The following SNX29 variants were observed in gnomAD, a reference collection of about 807,000 sequenced individuals.
SNX29 encodes the protein sorting nexin-29.
A neutral mutation model predicts 102.1 loss-of-function variants in SNX29; 78 were observed. The observed-to-expected ratio is 0.76, with a 90% CI of 0.64 to 0.92. SNX29 has a LOEUF of 0.92. Among genes scored for constraint, SNX29 ranks in the 40% least tolerant of loss-of-function variants. The pLI, the probability that SNX29 is intolerant of heterozygous loss-of-function variation, is 0.00. For missense variants in SNX29, 1,280 were observed against 1,061.7 expected (o/e 1.21, Z -2.86); for synonymous variants, 580 against 414.5 (o/e 1.40, Z -4.85).
At chr16:12,505,333 G>A (rs1448145581) in intron 19 of SNX29, among the ~76,000 whole-genome samples, 3 of 152,072 alleles carry the variant, frequency 2.0e-5, no homozygotes, top group Admixed American at 6.5e-5. Context: ...AAAGGTGCTA[G>A]CATATTCGGT....
At chr16:12,353,062 G>A (rs2151299704) in intron 15 of SNX29, among the ~76,000 whole-genome samples, 1 of 152,240 alleles carries the variant, frequency 6.6e-6, no homozygotes, top group African/African-American at 2.4e-5. Flanking sequence ...GTTAACTCTT[G>A]GAGGGGTGGG....
At chr16:12,357,532 G>T (rs1597057570) in intron 16 of SNX29, among the ~76,000 whole-genome samples, 2 of 151,988 alleles carry the variant, frequency 1.3e-5, no homozygotes, top group African/African-American at 4.8e-5. Context: ...TAAAAATTAG[G>T]GTAAAATATA....
chr16:12,330,334 G>A (rs2081257865), intron 15 of SNX29, among the ~76,000 whole-genome samples: 1 of 152,120 alleles, frequency 6.6e-6, no homozygotes, highest in African/African-American at 2.4e-5. Flanking sequence ...AAGCATGGTG[G>A]CGGACGCCTC....
intron 15 of SNX29, among the ~76,000 whole-genome samples, chr16:12,318,959 A>G (rs576617353): frequency 6.6e-6 from 1 of 152,176 alleles, no homozygotes; most frequent in East Asian, 1.9e-4. Flanking sequence ...GATTACCCTT[A>G]TCTTGTCTCC....
chr16:12,070,794 A>G (rs991921084), intron 10 of SNX29, among the ~76,000 whole-genome samples: 56 of 152,180 alleles, frequency 3.7e-4, no homozygotes, highest in African/African-American at 1.3e-3. Context: ...AGTCCCACCA[A>G]CAGTGTAAAA....
At chr16:12,395,348 C>A (rs2083681699) in intron 16 of SNX29, among the ~76,000 whole-genome samples, 1 of 152,172 alleles carries the variant, frequency 6.6e-6, no homozygotes, top group African/African-American at 2.4e-5. Flanking sequence ...CCCAGGAAAT[C>A]CTGAGTCAGA....
chr16:12,103,967 T>C (rs550969485), intron 11 of SNX29, among the ~76,000 whole-genome samples: 1 of 152,232 alleles, frequency 6.6e-6, no homozygotes, highest in Non-Finnish European at 1.5e-5. Flanking sequence ...GATTAGAACC[T>C]TTCTAGAATT....
intron 20 of SNX29, among the ~76,000 whole-genome samples, chr16:12,542,805 T>G (rs16959865): frequency 0.047 from 7,167 of 151,648 alleles, 295 homozygotes; most frequent in East Asian, 0.18. Context: ...AGCAAGTAAG[T>G]GAAGTTAAAG....
chr16:12,518,735 C>G (rs550841232), intron 19 of SNX29, among the ~76,000 whole-genome samples: 29 of 152,312 alleles, frequency 1.9e-4, no homozygotes, highest in South Asian at 1.9e-3. Context: ...GCCTGGTGGG[C>G]CATGTCAGCT....
chr16:12,301,145 A>G lies in SNX29; in HGVS notation c.1782+23109A>G, dbSNP rs80165014. 5.6e-3 allele frequency among the ~76,000 whole-genome samples: 850 copies of G among 152,278 alleles called. 7 individuals carry two copies. Among genetic ancestry groups the G allele is most frequent in the African/African-American group, 0.02 (816 of 41,552 alleles). On this transcript the variant is annotated intron_variant, in intron 15 of 20. Coordinates refer to ENST00000566228, the MANE Select transcript of SNX29 (RefSeq NM_032167.5). ...CTCACTGTCTACATCTAGTCACTCA[A>G]TGAGTTACAGTCCCTTCTAAAATAT...
chr16:12,230,505 A>G (rs1014915593), intron 14 of SNX29, among the ~76,000 whole-genome samples: 1 of 152,326 alleles, frequency 6.6e-6, no homozygotes, highest in East Asian at 1.9e-4. Context: ...CCATTCTGCA[A>G]ATGAGTTCAT....
At position 12,569,005 on chromosome 16, in the gene SNX29, G is replaced by A. The variant is rs1193171986; in HGVS notation, c.*376G>A. On this transcript the variant is annotated 3_prime_UTR_variant, in exon 21 of 21. Coordinates refer to ENST00000566228, the MANE Select transcript of SNX29 (RefSeq NM_032167.5). ...GCAAAGGTGATCCCCTATATAGGAAGGTTCATGCAGAGCCAGCCTCTCCAC... is the reference window on the plus strand; with the variant it reads ...GCAAAGGTGATCCCCTATATAGGAAAGTTCATGCAGAGCCAGCCTCTCCAC... The A allele has an allele frequency of 3.7e-6, 1 of 271,852 alleles. No individual in the cohort carries two copies. Among genetic ancestry groups the A allele is most frequent in the South Asian group, 1.1e-4 (1 of 8,986 alleles). 16.8% of individuals were successfully genotyped at this position (271,852 alleles called of 1,614,324 possible). A position where few individuals can be genotyped will look rare whatever the true frequency, so the allele number is the denominator to read the frequency against.
intron 15 of SNX29, among the ~76,000 whole-genome samples, chr16:12,311,611 G>C (rs1183199028): frequency 6.6e-6 from 1 of 152,252 alleles, no homozygotes; most frequent in Non-Finnish European, 1.5e-5. Flanking sequence ...CCTTCCTTGA[G>C]ATGGCGTGGC....
At position 12,471,547 on chromosome 16, in the gene SNX29, C is replaced by T. The variant is rs758814440; in HGVS notation, c.2038-6172C>T. On this transcript the variant is annotated intron_variant, in intron 18 of 20. Coordinates refer to ENST00000566228, the MANE Select transcript of SNX29 (RefSeq NM_032167.5). ...TGTCTGGGCTCCCTCCCGATGCTGA[C>T]GTATGACGATGTGTCAGGTCCACGT... 3.0e-4 allele frequency among the ~76,000 whole-genome samples: 46 copies of T among 152,288 alleles called. 2 individuals are homozygous for T. The highest frequency in any genetic ancestry group is 1.2e-3 in the Admixed American group (18 of 15,294).
In SNX29 at chr16:12,096,516, G is replaced by A. The variant is rs555409282; in HGVS notation, c.1402+17601G>A. Among the ~76,000 whole-genome samples, 16 of 152,342 alleles carry A rather than the reference G, an allele frequency of 1.1e-4. No individual in the cohort carries two copies. The highest frequency in any genetic ancestry group is 3.6e-4 in the African/African-American group (15 of 41,586). On this transcript the variant is annotated intron_variant, in intron 11 of 20. Transcript: ENST00000566228. The surrounding 1 kb of genome is among the most constrained non-coding windows in gnomAD (Gnocchi z 4.2). ...GACTAAATGAGTTCATACACAGAGA[G>A]TGCTTTGACATTGCGCTCAGCACTC...
rs576138396 is a variant in SNX29, at chr16:12,182,298, C to A, written c.1596-17303C>A. Among the ~76,000 whole-genome samples, 30 of 149,886 alleles carry A rather than the reference C, an allele frequency of 2.0e-4. No homozygotes were observed. The South Asian group carries it at 6.5e-3, about 32-fold the overall frequency. On this transcript the variant is annotated intron_variant, in intron 13 of 20. Transcript: ENST00000566228. ...TTCTAAACGGGCATTTAAAATAATA[C>A]TAATCCCCCTTTGATAATAATCCCA...
At chr16:12,521,062 C>A (rs1437792390) in intron 19 of SNX29, among the ~76,000 whole-genome samples, 1 of 152,086 alleles carries the variant, frequency 6.6e-6, no homozygotes, top group Non-Finnish European at 1.5e-5. Context: ...TGCCTGTAAT[C>A]CCAGCTACTT....
intron 20 of SNX29, among the ~76,000 whole-genome samples, chr16:12,567,155 G>C (rs1255891827): frequency 2.0e-5 from 3 of 152,216 alleles, no homozygotes; most frequent in African/African-American, 7.2e-5. Flanking sequence ...CTTGGATACA[G>C]CTGGGGGTGG....
At chr16:12,389,198 C>G (rs1258363983) in intron 16 of SNX29, among the ~76,000 whole-genome samples, 1 of 152,170 alleles carries the variant, frequency 6.6e-6, no homozygotes, top group Non-Finnish European at 1.5e-5. Context: ...TCTGGTTGAC[C>G]TGTGCCTCAG....
Sources: gnomAD v4.1 joint callset for allele counts (sites outside exome capture counted in the v4.1 genomes callset) on GRCh38, gnomAD v4.1.1 for gene constraint, Gnocchi (gnomAD v3.1) non-coding constraint, MANE v1.5 for transcripts, NCBI Gene and HGNC (gene_info 2026-07-23, HGNC 2026-07-21) for gene names.